The following BACE2 variants were observed in gnomAD, a reference collection of about 807,000 sequenced individuals.
BACE2 encodes the protein 56 kDa aspartic-like protease.
BACE2 carries 17 observed loss-of-function variants against 46.2 expected under a neutral mutation model. That is an observed-to-expected ratio of 0.37 (90% confidence interval 0.25 to 0.55). The LOEUF is 0.55. Among genes scored for constraint, BACE2 ranks in the 20% least tolerant of loss-of-function variants. The pLI, the probability that BACE2 is intolerant of heterozygous loss-of-function variation, is 0.82. For missense variants in BACE2, 595 were observed against 698.1 expected, an observed-to-expected ratio of 0.85 and a Z score of 1.66; for synonymous variants, 277 against 295.9, an observed-to-expected ratio of 0.94 and a Z score of 0.66.
intron 5 of BACE2, among the ~76,000 whole-genome samples, chr21:41,243,804 G>A (rs1389636226): frequency 6.6e-6 from 1 of 152,256 alleles, no homozygotes; most frequent in East Asian, 1.9e-4. Context: ...CATTCATCTT[G>A]GATTGATGGT....
chr21:41,188,718 A>G (rs1985464287), intron 1 of BACE2, among the ~76,000 whole-genome samples: 1 of 152,244 alleles, frequency 6.6e-6, no homozygotes, highest in Non-Finnish European at 1.5e-5. Context: ...ACAATAGATA[A>G]GAGAAACCTT....
chr21:41,246,654 T>A (rs1987479637), intron 6 of BACE2, among the ~76,000 whole-genome samples: 1 of 152,210 alleles, frequency 6.6e-6, no homozygotes, highest in African/African-American at 2.4e-5. Context: ...TGAAATACAA[T>A]TAAAATTATG....
intron 1 of BACE2, among the ~76,000 whole-genome samples, chr21:41,211,627 CTG>C (rs1986305527): frequency 6.6e-6 from 1 of 152,268 alleles, no homozygotes; most frequent in African/African-American, 2.4e-5. Flanking sequence ...GCAGAGGCCA[CTG>C]CTGCTGTGGG....
At chr21:41,197,275 GT>G (rs56933411) in intron 1 of BACE2, among the ~76,000 whole-genome samples, 12,867 of 134,852 alleles carry the variant, frequency 0.095, 574 homozygotes, top group Middle Eastern at 0.18. Flanking sequence ...GGTTTTTTTT[GT>G]TTTTTTTTTT....
intron 8 of BACE2, among the ~76,000 whole-genome samples, chr21:41,274,363 C>CA (rs2123655074): frequency 6.6e-6 from 1 of 152,190 alleles, no homozygotes; most frequent in East Asian, 1.9e-4. Flanking sequence ...TTTCTTTCCT[C>CA]AGTCAAAAAG....
chr21:41,264,239 A>C (rs1360989572), intron 8 of BACE2, among the ~76,000 whole-genome samples: 1 of 147,482 alleles, frequency 6.8e-6, no homozygotes, highest in Non-Finnish European at 1.5e-5. Flanking sequence ...TGAGTTTTTC[A>C]TTTCGATGAC....
rs145443586 is a variant in BACE2, at chr21:41,197,987, T to G, written c.313-28279T>G. ...CACATAGAAGTTAAATACTCAAAAA[T>G]ATTTATTTTTATTTTTATTTTTGAG... On this transcript the variant is annotated intron_variant, in intron 1 of 8. Coordinates refer to ENST00000330333, the MANE Select transcript of BACE2 (RefSeq NM_012105.5). 1.1e-4 allele frequency among the ~76,000 whole-genome samples: 17 copies of G among 152,260 alleles called. No individual in the cohort carries two copies. In the East Asian group the frequency reaches 2.5e-3, roughly 22 times the overall value.
At chr21:41,250,610 A>T in intron 6 of BACE2, 142 bp from the exon 7 acceptor site, 1 of 705,874 alleles carries the variant, frequency 1.4e-6, no homozygotes, top group Non-Finnish European at 2.4e-6. Flanking sequence ...CTTCCAGGGG[A>T]CTAATGTCCC....
In BACE2 at chr21:41,275,976, G is replaced by GA. The variant is rs1601328693; in HGVS notation, c.*357dup. 2 of 241,748 alleles carry GA rather than the reference G, an allele frequency of 8.3e-6. No homozygotes were observed. The highest frequency in any genetic ancestry group is 5.0e-5 in the Admixed American group (1 of 20,030). 15.0% of individuals were successfully genotyped at this position (241,748 alleles called of 1,614,324 possible). On this transcript the variant is annotated 3_prime_UTR_variant, in exon 9 of 9. Coordinates refer to ENST00000330333, the MANE Select transcript of BACE2 (RefSeq NM_012105.5). ...CGTTCTCTTCTCTCTTCAATCTCTG[G>GA]AAAAATAAGTACATATAGTTGATAA...
chr21:41,233,311 GTATTA>G (rs994176183), intron 2 of BACE2, among the ~76,000 whole-genome samples: 1 of 152,144 alleles, frequency 6.6e-6, no homozygotes, highest in African/African-American at 2.4e-5. Context: ...ACGAGGGATG[GTATTA>G]TATTATCACC....
intron 1 of BACE2, among the ~76,000 whole-genome samples, chr21:41,204,930 T>C (rs539135524): frequency 1.3e-5 from 2 of 152,332 alleles, no homozygotes; most frequent in African/African-American, 4.8e-5. Flanking sequence ...ATATGCCTAT[T>C]AAAATACTTT....
At position 41,168,301 on chromosome 21, in the gene BACE2, TG is replaced by T; in HGVS notation, c.40del (p.Ala14ProfsTer29). ...ALARALLLPL[L>X]AQWLLRAAPE... ...GCCCGGGCGCTGCTGCTGCCTCTGCTGGCCCAGTGGCTCCTGCGCGCCGCCC... is the reference window on the plus strand; with the variant it reads ...GCCCGGGCGCTGCTGCTGCCTCTGCTGCCCAGTGGCTCCTGCGCGCCGCCC... On this transcript the variant is annotated frameshift_variant, in exon 1 of 9. Transcript: ENST00000330333. LOFTEE classifies it high-confidence loss of function. 1.5e-6 allele frequency: 2 copies of T among 1,302,724 alleles called. No individual in the cohort carries two copies. Among genetic ancestry groups the T allele is most frequent in the South Asian group, 2.2e-5 (1 of 45,692 alleles). The allele number at this position is 1,302,724 out of a possible 1,614,324, so 80.7% of individuals were successfully genotyped here. A position where few individuals can be genotyped will look rare whatever the true frequency, so the allele number is the denominator to read the frequency against.
chr21:41,266,274 C>T lies in BACE2; in HGVS notation c.1303+8948C>T, dbSNP rs568022978. 2.6e-4 allele frequency among the ~76,000 whole-genome samples: 39 copies of T among 152,158 alleles called. No individual in the cohort carries two copies. The East Asian group carries it at 4.2e-3, about 17-fold the overall frequency. On this transcript the variant is annotated intron_variant, in intron 8 of 8. Coordinates refer to ENST00000330333, the MANE Select transcript of BACE2 (RefSeq NM_012105.5). ...CACAGCTATGGTATAATCTTGTGCACGTTGTTCTATTTTTCCATCACCGAT... is the reference window on the plus strand; with the variant it reads ...CACAGCTATGGTATAATCTTGTGCATGTTGTTCTATTTTTCCATCACCGAT...
chr21:41,265,659 G>A (rs1016794807), intron 8 of BACE2, among the ~76,000 whole-genome samples: 3 of 151,810 alleles, frequency 2.0e-5, no homozygotes, highest in Non-Finnish European at 2.9e-5. Flanking sequence ...TTCTTTTTTT[G>A]TATTAATTTG....
intron 1 of BACE2, among the ~76,000 whole-genome samples, chr21:41,204,422 A>T (rs1986061892): frequency 6.6e-6 from 1 of 152,128 alleles, no homozygotes; most frequent in South Asian, 2.1e-4. Context: ...GAGAGGGGGA[A>T]AAACTGATGA....
In BACE2 at chr21:41,220,894, TATTTA is replaced by T. The variant is rs1191650300; in HGVS notation, c.313-5371_313-5367del. Among the ~76,000 whole-genome samples, 4 of 151,968 alleles carry T rather than the reference TATTTA, an allele frequency of 2.6e-5. No homozygotes were observed. In the East Asian group the frequency reaches 7.7e-4, roughly 29 times the overall value. The stretch of plus-strand genomic sequence containing the variant: ...TTTAAAGTAACATTTATAGTCTCAT[TATTTA>T]GAGTGCCTTTGCTGGCCAGGTGTGG... On this transcript the variant is annotated intron_variant, in intron 1 of 8. Coordinates refer to ENST00000330333, the MANE Select transcript of BACE2 (RefSeq NM_012105.5).
At chr21:41,234,775 A>G (rs75756841) in intron 2 of BACE2, among the ~76,000 whole-genome samples, 2,547 of 152,338 alleles carry the variant, frequency 0.017, 77 homozygotes, top group African/African-American at 0.057. Context: ...AACACTTGGC[A>G]TTCCGCCAAT....
intron 1 of BACE2, 125 bp from the exon 2 acceptor site, chr21:41,226,141 C>CTT (rs57826923): frequency 1.2e-4 from 82 of 701,990 alleles, no homozygotes; most frequent in African/African-American, 4.6e-4. Flanking sequence ...CGTCAGTATA[C>CTT]TTTTTTTTTG....
At chr21:41,204,033 G>A (rs1237463913) in intron 1 of BACE2, among the ~76,000 whole-genome samples, 1 of 152,066 alleles carries the variant, frequency 6.6e-6, no homozygotes, top group Non-Finnish European at 1.5e-5. Flanking sequence ...TAGGGCTGTG[G>A]TTGGAGGACA....
Sources: gnomAD v4.1 joint callset for allele counts (sites outside exome capture counted in the v4.1 genomes callset) on GRCh38, gnomAD v4.1.1 for gene constraint, MANE v1.5 for transcripts, NCBI Gene and HGNC (gene_info 2026-07-23, HGNC 2026-07-21) for gene names.